TUBGCP5: variants seen among roughly 807,000 people sequenced by gnomAD.
TUBGCP5 encodes the protein gamma-tubulin complex component 5.
In TUBGCP5, 98 loss-of-function variants were observed where a neutral mutation model predicts 134.7. That is an observed-to-expected ratio of 0.73 (90% CI 0.62 to 0.86). TUBGCP5 has a LOEUF of 0.86. TUBGCP5 is among the 40% of genes least tolerant of loss of function. The probability of loss-of-function intolerance (pLI) is 0.00; values close to 1 mark genes in which losing one functional copy is unlikely to be tolerated. For synonymous variants in TUBGCP5, 456 were observed against 431.4 expected, an observed-to-expected ratio of 1.06 and a Z score of -0.71; for missense variants, 1,150 against 1,244.8, an observed-to-expected ratio of 0.92 and a Z score of 1.15.
chr15:23,017,132 C>T (rs992662013), intron 13 of TUBGCP5, among the ~76,000 whole-genome samples: 5 of 151,174 alleles, frequency 3.3e-5, no homozygotes, highest in Non-Finnish European at 7.4e-5. Context: ...ATGTTGATCT[C>T]GTATTAGTAA....
rs182669068 is a variant in TUBGCP5 at position 23,036,849 on chromosome 15, T to G, written c.309+48A>C. ...CTGAAACAAATTGACGATAATCAGATAGGAAACAGTAAAATACACAGTGGA... is the reference window on the plus strand; with the variant it reads ...CTGAAACAAATTGACGATAATCAGAGAGGAAACAGTAAAATACACAGTGGA... On this transcript the variant is annotated intron_variant, in intron 3 of 22. Coordinates refer to ENST00000615383, the MANE Select transcript of TUBGCP5 (RefSeq NM_052903.6). The G allele has an allele frequency of 6.5e-5, 80 of 1,223,172 alleles. 1 individual carries two copies. The East Asian group carries it at 1.8e-3, about 28-fold the overall frequency. The allele number at this position is 1,223,172 out of a possible 1,614,324, so 75.8% of individuals were successfully genotyped here.
intron 21 of TUBGCP5, among the ~76,000 whole-genome samples, chr15:23,002,490 C>T (rs2140410156): frequency 6.6e-6 from 1 of 152,304 alleles, no homozygotes; most frequent in African/African-American, 2.4e-5. Context: ...GGGAGCTGCT[C>T]CCGGGCCACT....
At chr15:23,020,482 G>C (rs892258904) in intron 11 of TUBGCP5, among the ~76,000 whole-genome samples, 40 of 150,966 alleles carry the variant, frequency 2.6e-4, no homozygotes, top group African/African-American at 8.7e-4. Context: ...GCTACTCAGG[G>C]GGCTGAGGCA....
intron 23 of TUBGCP5, among the ~76,000 whole-genome samples, chr15:22,989,498 T>C (rs79745100): frequency 0.045 from 6,815 of 152,270 alleles, 528 homozygotes; most frequent in African/African-American, 0.16. Context: ...CACCCATACA[T>C]ATCCCCTTAA....
rs887239637 is a variant in TUBGCP5 at position 23,023,972 on chromosome 15, T to G, written c.1143A>C (p.Glu381Asp). Reference sequence around the variant, plus strand: ...CATTATTGATGATGCACTTCTCAATTTCTGCAAGTTCCTCTTTGAAACTAA... The same window carrying G: ...CATTATTGATGATGCACTTCTCAATGTCTGCAAGTTCCTCTTTGAAACTAA... Reference protein sequence around the residue: ...YFISFKEELAEIEKCIINNDT... With the variant: ...YFISFKEELADIEKCIINNDT... The change falls in exon 10 of 23, where the codon GAA becomes GAC. Residue 381 changes from glutamate to aspartate, a missense_variant. Glu to Asp is a conservative substitution (Grantham distance 45). Transcript: ENST00000615383. 1 of 1,613,920 alleles carries G rather than the reference T, an allele frequency of 6.2e-7. No homozygotes were observed. The highest frequency in any genetic ancestry group is 1.3e-5 in the African/African-American group (1 of 74,908).
At chr15:23,004,468 G>T in intron 19 of TUBGCP5, 2 of 452,044 alleles carry the variant, frequency 4.4e-6, no homozygotes, top group Non-Finnish European at 7.7e-6. Flanking sequence ...ATGAATGAAC[G>T]CCAAACTCTG....
intron 12 of TUBGCP5, 44 bp downstream of exon 12, chr15:23,019,175 G>A (rs1361342606): frequency 2.2e-6 from 3 of 1,390,340 alleles, no homozygotes; most frequent in Admixed American, 1.8e-5. Flanking sequence ...GGAGGAAACT[G>A]GTGATGCCAG....
rs59087813 is a variant in TUBGCP5, at chr15:23,001,653, CTT to C, written c.2928-986_2928-985del. On this transcript the variant is annotated intron_variant, in intron 21 of 22. Transcript: ENST00000615383. Reference sequence around the variant, plus strand: ...CCACTGTGCTCGGCTTTCTTTCTTTCTTTTTTTTTTTTTTAAAGAAATATCAA... The same window carrying C: ...CCACTGTGCTCGGCTTTCTTTCTTTCTTTTTTTTTTTTAAAGAAATATCAA... 4.3e-3 allele frequency among the ~76,000 whole-genome samples: 609 copies of C among 142,654 alleles called. 6 individuals are homozygous for C. Among genetic ancestry groups the C allele is most frequent in the African/African-American group, 0.015 (584 of 39,068 alleles). 93.6% of individuals were successfully genotyped at this position (142,654 alleles called of 152,430 possible).
chr15:22,987,087 C>T (rs2063700821), intron 23 of TUBGCP5, among the ~76,000 whole-genome samples: 1 of 151,936 alleles, frequency 6.6e-6, no homozygotes, highest in Non-Finnish European at 1.5e-5. Context: ...AATCCCAGCA[C>T]TTTGGGAGGC....
rs10152698 is a variant in TUBGCP5, at chr15:23,032,944, A to G, written c.310-120T>C. The G allele has an allele frequency of 2.9e-3, 1,790 of 625,444 alleles. 11 individuals are homozygous for G. Among genetic ancestry groups the G allele is most frequent in the African/African-American group, 0.023 (1,221 of 53,820 alleles). 38.7% of individuals were successfully genotyped at this position (625,444 alleles called of 1,614,324 possible). A position where few individuals can be genotyped will look rare whatever the true frequency, so the allele number is the denominator to read the frequency against. ...AATTTTTTTCCTGGTTTGAGAAAAC[A>G]TGAGTTATACCTAAATAATCCTTAA... On this transcript the variant is annotated intron_variant, in intron 3 of 22. Transcript: ENST00000615383.
chr15:23,005,393 TACG>T (rs1431338596), intron 19 of TUBGCP5, 36 bp downstream of exon 19: 20 of 1,604,596 alleles, frequency 1.2e-5, no homozygotes, highest in Non-Finnish European at 1.6e-5. Flanking sequence ...ACTGTATAGA[TACG>T]ACGATAGAAC....
rs1191396844 is a variant in TUBGCP5 at position 23,014,474 on chromosome 15, C to T, written c.1757-3143G>A. 3.3e-5 allele frequency among the ~76,000 whole-genome samples: 5 copies of T among 152,354 alleles called. No homozygotes were observed. In the South Asian group the frequency reaches 8.3e-4, roughly 25 times the overall value. On this transcript the variant is annotated intron_variant, in intron 13 of 22. Coordinates refer to ENST00000615383, the MANE Select transcript of TUBGCP5 (RefSeq NM_052903.6). ...GGTGGGCATGTTCTGAGCCAGCTGG[C>T]ACCCATATCCCAAACCTGAGAAAGA...
intron 7 of TUBGCP5, 66 bp from the exon 8 acceptor site, chr15:23,026,271 G>T (rs2065983686): frequency 1.4e-6 from 2 of 1,403,082 alleles, no homozygotes; most frequent in Non-Finnish European, 1.0e-6. Flanking sequence ...TTATCTCAAA[G>T]AATATCTGCA....
chr15:23,000,736 C>T, intron 21 of TUBGCP5, 67 bp from the exon 22 acceptor site: 2 of 1,157,880 alleles, frequency 1.7e-6, no homozygotes, highest in Non-Finnish European at 2.4e-6. Flanking sequence ...TTCAAGATAT[C>T]TGTGGAGTAA....
At chr15:23,011,038 T>C in intron 14 of TUBGCP5, 95 bp downstream of exon 14, 1 of 1,276,124 alleles carries the variant, frequency 7.8e-7, no homozygotes, top group Non-Finnish European at 1.1e-6. Flanking sequence ...ACAAGAGTTT[T>C]TGTTTTTAGC....
At chr15:23,014,702 C>T (rs2065218656) in intron 13 of TUBGCP5, among the ~76,000 whole-genome samples, 1 of 152,206 alleles carries the variant, frequency 6.6e-6, no homozygotes, top group South Asian at 2.1e-4. Context: ...GCTAGCAAAG[C>T]AGCCTTGTAC....
intron 21 of TUBGCP5, among the ~76,000 whole-genome samples, 171 bp downstream of exon 21, chr15:23,002,894 T>A (rs533576024): frequency 6.6e-6 from 1 of 152,236 alleles, no homozygotes; most frequent in African/African-American, 2.4e-5. Flanking sequence ...CTTTTTTTTT[T>A]TTTTAAAGAC....
At chr15:23,012,110 T>C (rs1415647668) in intron 13 of TUBGCP5, among the ~76,000 whole-genome samples, 1 of 131,618 alleles carries the variant, frequency 7.6e-6, no homozygotes, top group Non-Finnish European at 1.6e-5. Context: ...GAGTGAAACC[T>C]GACTCAAAAA....
intron 23 of TUBGCP5, among the ~76,000 whole-genome samples, chr15:22,989,791 C>G (rs974051434): frequency 6.6e-6 from 1 of 152,214 alleles, no homozygotes. Flanking sequence ...CTTGTTCAAG[C>G]TGGAGTGGGC....
Sources: allele counts gnomAD v4.1 joint callset (sites outside exome capture counted in the v4.1 genomes callset), GRCh38; gene constraint gnomAD v4.1.1; transcripts MANE v1.5; gene names NCBI Gene and HGNC (gene_info 2026-07-23, HGNC 2026-07-21).